IGSF3: variants seen among roughly 807,000 people sequenced by gnomAD.
The protein encoded by IGSF3 is glu-Trp-Ile EWI motif-containing protein 3.
IGSF3 carries 23 observed loss-of-function variants against 114.4 expected under a neutral mutation model. The observed-to-expected ratio is 0.20, with a 90% CI of 0.14 to 0.28. The LOEUF (loss-of-function observed/expected upper bound fraction) is 0.28. IGSF3 is among the 10% of genes least tolerant of loss of function. The pLI, the probability that IGSF3 is intolerant of heterozygous loss-of-function variation, is 1.00. For missense variants in IGSF3, 1,172 were observed against 1,591.5 expected, an observed-to-expected ratio of 0.74 and a Z score of 4.48; for synonymous variants, 571 against 645.2, an observed-to-expected ratio of 0.88 and a Z score of 1.74.
chr1:116,639,591 A>C (rs1172781257), intron 2 of IGSF3, among the ~76,000 whole-genome samples: 2 of 152,218 alleles, frequency 1.3e-5, no homozygotes, highest in Non-Finnish European at 2.9e-5. Context: ...TCTCAAAAAG[A>C]AAGAAAATAC....
chr1:116,608,013 G>A lies in IGSF3; in HGVS notation c.1151C>T (p.Thr384Ile), dbSNP rs1428407384. The A allele has an allele frequency of 2.0e-5, 33 of 1,613,798 alleles. No individual in the cohort carries two copies. Among genetic ancestry groups the A allele is most frequent in the African/African-American group, 2.7e-5 (2 of 74,896 alleles). ...YNCRVTEREK[T>I]VTGEFIDKES... is the part of the protein sequence containing the mutation. The stretch of plus-strand genomic sequence containing the variant: ...CTTATCAATGAATTCCCCGGTCACG[G>A]TTTTCTCTCGCTCAGTCACCCGGCA... The change falls in exon 5 of 11, where the codon ACC becomes ATC. Residue 384 changes from threonine to isoleucine, a missense_variant. Physicochemically the swap from Thr to Ile is moderately conservative, Grantham distance 89. Coordinates refer to ENST00000369486, the MANE Select transcript of IGSF3 (RefSeq NM_001007237.3).
At position 116,638,601 on chromosome 1, in the gene IGSF3, A is replaced by T. The variant is rs1647939055; in HGVS notation, c.44-22144T>A. ...GGATTTTGCCATTTCCCCCAAGTCGACCAGGAGTCATTCACACCTAAAGGC... is the reference window on the plus strand; with the variant it reads ...GGATTTTGCCATTTCCCCCAAGTCGTCCAGGAGTCATTCACACCTAAAGGC... On this transcript the variant is annotated intron_variant, in intron 2 of 10. Transcript: ENST00000369486. The surrounding 1 kb of genome is among the most constrained non-coding windows in gnomAD (Gnocchi z 4.1). Among the ~76,000 whole-genome samples the T allele has an allele frequency of 6.6e-6, 1 of 152,162 alleles. No homozygotes were observed. Among genetic ancestry groups the T allele is most frequent in the African/African-American group, 2.4e-5 (1 of 41,436 alleles).
chr1:116,639,383 C>T (rs1458956289), intron 2 of IGSF3, among the ~76,000 whole-genome samples: 1 of 152,234 alleles, frequency 6.6e-6, no homozygotes, highest in South Asian at 2.1e-4. Context: ...CTAAATTCTA[C>T]TGTGCCTTTG....
rs1156821502 is a variant in IGSF3, at chr1:116,595,791, G to A, written c.2029+4150C>T. Among the ~76,000 whole-genome samples the A allele has an allele frequency of 6.6e-6, 1 of 152,232 alleles. No homozygotes were observed. The highest frequency in any genetic ancestry group is 6.5e-5 in the Admixed American group (1 of 15,280). ...CTGTATTTAAGGATATGTAATTGGA[G>A]GGTGTTTTGAGCTAAAGAAAATCAG... On this transcript the variant is annotated intron_variant, in intron 7 of 10. Transcript: ENST00000369486. The surrounding 1 kb of genome is among the most constrained non-coding windows in gnomAD (Gnocchi z 4.2).
chr1:116,641,365 G>A lies in IGSF3; in HGVS notation c.44-24908C>T, dbSNP rs180780807. 6.0e-4 allele frequency among the ~76,000 whole-genome samples: 91 copies of A among 151,674 alleles called. 1 individual carries two copies. The highest frequency in any genetic ancestry group is 1.8e-3 in the African/African-American group (73 of 41,374). On this transcript the variant is annotated intron_variant, in intron 2 of 10. Coordinates refer to ENST00000369486, the MANE Select transcript of IGSF3 (RefSeq NM_001007237.3). ...ACAAAAATTAGCCGGGTATGGTGGC[G>A]TGTACCTGTAATCCCAGCTACTGAG...
Position 116,584,757 on chromosome 1 carries a change from G to A in IGSF3, c.2736C>T (p.Asp912=), listed in dbSNP as rs200644653. The A allele has an allele frequency of 1.2e-5, 20 of 1,614,212 alleles. No homozygotes were observed. The highest frequency in any genetic ancestry group is 1.6e-5 in the Non-Finnish European group (19 of 1,180,016). ...CCACATGGCAGCTGTAGGTCCCGCT[G>A]TCCTGCACAGCCACGTTCTGGATGA... ...RLFIQNVAVQ[D]SGTYSCHVEE... is the part of the protein sequence containing the mutation. The change falls in exon 9 of 11, where the codon GAC becomes GAT. Residue 912 remains aspartate, a synonymous_variant. Coordinates refer to ENST00000369486, the MANE Select transcript of IGSF3 (RefSeq NM_001007237.3). This position sits in a 1 kb window ranked among gnomAD's most constrained non-coding sequence, Gnocchi z 5.8.
Position 116,615,109 on chromosome 1 carries a change from T to C in IGSF3, c.422-934A>G, listed in dbSNP as rs1437537539. Among the ~76,000 whole-genome samples the C allele has an allele frequency of 6.6e-6, 1 of 152,058 alleles. No individual in the cohort carries two copies. The highest frequency in any genetic ancestry group is 2.4e-5 in the African/African-American group (1 of 41,396). On this transcript the variant is annotated intron_variant, in intron 3 of 10. Coordinates refer to ENST00000369486, the MANE Select transcript of IGSF3 (RefSeq NM_001007237.3). This position sits in a 1 kb window ranked among gnomAD's most constrained non-coding sequence, Gnocchi z 4.3. ...GACCAACATGGAGAAACCCCGTCTC[T>C]ACTAAAAATACAAAATTAGCCAGGC...
At chr1:116,639,912 T>A (rs1010554496) in intron 2 of IGSF3, among the ~76,000 whole-genome samples, 1 of 151,756 alleles carries the variant, frequency 6.6e-6, no homozygotes, top group East Asian at 1.9e-4. Context: ...CAGGCACCTG[T>A]AACCCCAGCT....
At position 116,603,110 on chromosome 1, in the gene IGSF3, G is replaced by C. The variant is rs368257632; in HGVS notation, c.1624+514C>G. ...ACTAAGCTTAAGTGTTAAGGATCAG[G>C]CAGGAACATAGTAAATGCTAAATAA... is the stretch of plus-strand genomic sequence containing the variant. On this transcript the variant is annotated intron_variant, in intron 6 of 10. Transcript: ENST00000369486. This position sits in a 1 kb window ranked among gnomAD's most constrained non-coding sequence, Gnocchi z 7.1. Among the ~76,000 whole-genome samples, 97 of 152,214 alleles carry C rather than the reference G, an allele frequency of 6.4e-4. No individual in the cohort carries two copies. The highest frequency in any genetic ancestry group is 7.8e-4 in the Non-Finnish European group (53 of 68,036).
rs584423 is a variant in IGSF3 at position 116,603,502 on chromosome 1, T to C, written c.1624+122A>G. On this transcript the variant is annotated intron_variant, in intron 6 of 10. Coordinates refer to ENST00000369486, the MANE Select transcript of IGSF3 (RefSeq NM_001007237.3). This position sits in a 1 kb window ranked among gnomAD's most constrained non-coding sequence, Gnocchi z 7.1. ...ACATAAAGGAAAGTACTTCAAACTCTATAGGTAAAAGACTGGCCATAGTTT... is the reference window on the plus strand; with the variant it reads ...ACATAAAGGAAAGTACTTCAAACTCCATAGGTAAAAGACTGGCCATAGTTT... 332,701 of 920,156 alleles carry C rather than the reference T, an allele frequency of 0.36. 65,716 individuals are homozygous for C. Among genetic ancestry groups the C allele is most frequent in the Non-Finnish European group, 0.41 (242,529 of 598,384 alleles). 57.0% of individuals were successfully genotyped at this position (920,156 alleles called of 1,614,324 possible). A position where few individuals can be genotyped will look rare whatever the true frequency, so the allele number is the denominator to read the frequency against.
chr1:116,652,392 T>C (rs1025667627), intron 2 of IGSF3, among the ~76,000 whole-genome samples: 2 of 152,244 alleles, frequency 1.3e-5, no homozygotes, highest in Non-Finnish European at 2.9e-5. Context: ...GTAATAACAG[T>C]GAAGTTCTTG....
chr1:116,615,433 A>C lies in IGSF3; in HGVS notation c.421+647T>G, dbSNP rs1294883178. ...GCTTAGTTGTGATAATAAAAACTGGACATTAAGATAGGCAGAAAAACAGAA... is the reference window on the plus strand; with the variant it reads ...GCTTAGTTGTGATAATAAAAACTGGCCATTAAGATAGGCAGAAAAACAGAA... On this transcript the variant is annotated intron_variant, in intron 3 of 10. Transcript: ENST00000369486. The surrounding 1 kb of genome is among the most constrained non-coding windows in gnomAD (Gnocchi z 4.3). 6.6e-6 allele frequency among the ~76,000 whole-genome samples: 1 copy of C among 152,250 alleles called. No homozygotes were observed. The highest frequency in any genetic ancestry group is 1.5e-5 in the Non-Finnish European group (1 of 68,040).
Position 116,661,962 on chromosome 1 carries a change from AAG to A in IGSF3, c.43+4320_43+4321del, listed in dbSNP as rs1216084171. ...CTTCCTTCCTGATGGCTGCGGCTAG[AAG>A]AGTCATCTTGGACCATGAAGTCATC... On this transcript the variant is annotated intron_variant, in intron 2 of 10. Coordinates refer to ENST00000369486, the MANE Select transcript of IGSF3 (RefSeq NM_001007237.3). This position sits in a 1 kb window ranked among gnomAD's most constrained non-coding sequence, Gnocchi z 4.0. 6.6e-6 allele frequency among the ~76,000 whole-genome samples: 1 copy of A among 152,150 alleles called. No homozygotes were observed. Among genetic ancestry groups the A allele is most frequent in the Non-Finnish European group, 1.5e-5 (1 of 68,022 alleles).
chr1:116,606,514 C>G, intron 5 of IGSF3: 4 of 1,379,532 alleles, frequency 2.9e-6, no homozygotes, highest in Non-Finnish European at 4.1e-6. Flanking sequence ...GGGACAGGAG[C>G]TGGTGGTGCT....
Position 116,584,639 on chromosome 1 carries a change from C to A in IGSF3, c.2848+6G>T. On this transcript the variant is annotated splice_donor_region_variant and intron_variant, in intron 9 of 10. Transcript: ENST00000369486. The surrounding 1 kb of genome is among the most constrained non-coding windows in gnomAD (Gnocchi z 5.8). ...GGAGTGGAAGCTTGGGGACGTGGAC[C>A]CTCACCTGGTCGCATGACTGTCAGA... 6.2e-7 allele frequency: 1 copy of A among 1,613,986 alleles called. No homozygotes were observed. Among genetic ancestry groups the A allele is most frequent in the Non-Finnish European group, 8.5e-7 (1 of 1,179,918 alleles).
rs1027083635 is a variant in IGSF3, at chr1:116,632,315, T to G, written c.44-15858A>C. The stretch of plus-strand genomic sequence containing the variant: ...TAGTGCTGATAACAGGAGTTATCAG[T>G]TGCTTTTTGTGCACAGCCAGATGAG... On this transcript the variant is annotated intron_variant, in intron 2 of 10. Transcript: ENST00000369486. This position sits in a 1 kb window ranked among gnomAD's most constrained non-coding sequence, Gnocchi z 5.1. Among the ~76,000 whole-genome samples the G allele has an allele frequency of 3.9e-5, 6 of 152,144 alleles. No homozygotes were observed. The highest frequency in any genetic ancestry group is 1.4e-4 in the African/African-American group (6 of 41,510).
Position 116,600,444 on chromosome 1 carries a change from G to C in IGSF3, c.1625-99C>G, listed in dbSNP as rs1188626371. ...GGCAGCTGGCAAAGCAAGCAGTGTG[G>C]GACAGAGGCTCTCGGAGCCCCTTTT... On this transcript the variant is annotated intron_variant, in intron 6 of 10. Transcript: ENST00000369486. This position sits in a 1 kb window ranked among gnomAD's most constrained non-coding sequence, Gnocchi z 5.5. The C allele has an allele frequency of 2.1e-6, 2 of 973,606 alleles. No individual in the cohort carries two copies. The highest frequency in any genetic ancestry group is 3.1e-6 in the Non-Finnish European group (2 of 653,562). The allele number at this position is 973,606 out of a possible 1,614,324, so 60.3% of individuals were successfully genotyped here.
intron 4 of IGSF3, among the ~76,000 whole-genome samples, chr1:116,613,205 G>C (rs1313481093): frequency 6.6e-6 from 1 of 152,184 alleles, no homozygotes; most frequent in East Asian, 1.9e-4. Context: ...GGGGGATGGT[G>C]AAGTAATATG....
chr1:116,658,936 G>A lies in IGSF3; in HGVS notation c.43+7348C>T, dbSNP rs192827732. 2.8e-3 allele frequency among the ~76,000 whole-genome samples: 428 copies of A among 152,314 alleles called. 6 individuals are homozygous for A. Among genetic ancestry groups the A allele is most frequent in the Non-Finnish European group, 2.9e-3 (196 of 68,024 alleles). ...TAGAGGGCAGGGACGGGTGGTGTTCGGCAAAGCCTTGGTCGTCTGGATAAT... is the reference window on the plus strand; with the variant it reads ...TAGAGGGCAGGGACGGGTGGTGTTCAGCAAAGCCTTGGTCGTCTGGATAAT... On this transcript the variant is annotated intron_variant, in intron 2 of 10. Transcript: ENST00000369486.
Sources: allele counts gnomAD v4.1 joint callset (sites outside exome capture counted in the v4.1 genomes callset), GRCh38; gene constraint gnomAD v4.1.1; non-coding constraint Gnocchi (gnomAD v3.1); transcripts MANE v1.5; gene names NCBI Gene and HGNC (gene_info 2026-07-23, HGNC 2026-07-21).